CYP2C18: variants seen among roughly 807,000 people sequenced by gnomAD.
CYP2C18 encodes cytochrome P450 2C18.
In CYP2C18, 38 loss-of-function variants were observed where a neutral mutation model predicts 41.3. That is an observed-to-expected ratio of 0.92 (90% CI 0.71 to 1.21). The LOEUF (loss-of-function observed/expected upper bound fraction) is 1.21. Among genes scored for constraint, CYP2C18 ranks in the 50% most tolerant of loss-of-function variants. The pLI is 0.00. For missense variants in CYP2C18, 635 were observed against 591.4 expected (o/e 1.07, Z -0.77); for synonymous variants, 236 against 210.0 (o/e 1.12, Z -1.07).
At chr10:94,715,586 G>A (rs1461227228) in intron 5 of CYP2C18, among the ~76,000 whole-genome samples, 1 of 152,136 alleles carries the variant, frequency 6.6e-6, no homozygotes, top group East Asian at 1.9e-4. Context: ...CAGTTTGTCA[G>A]TATTTTATTG....
chr10:94,705,814 A>G (rs1847332729), intron 4 of CYP2C18, among the ~76,000 whole-genome samples: 2 of 152,162 alleles, frequency 1.3e-5, no homozygotes, highest in South Asian at 2.1e-4. Context: ...TTTATTTTAC[A>G]GATGAGAAAA....
chr10:94,706,369 C>T (rs1847342869), intron 4 of CYP2C18, among the ~76,000 whole-genome samples: 1 of 152,096 alleles, frequency 6.6e-6, no homozygotes, highest in Non-Finnish European at 1.5e-5. Flanking sequence ...AGGCTTCCTG[C>T]TAGGAGTAGA....
intron 5 of CYP2C18, among the ~76,000 whole-genome samples, chr10:94,717,805 G>T (rs1589803298): frequency 6.6e-6 from 1 of 152,132 alleles, no homozygotes; most frequent in East Asian, 1.9e-4. Context: ...TATTCTGTTG[G>T]TTGATGTGTC....
intron 5 of CYP2C18, among the ~76,000 whole-genome samples, chr10:94,718,727 C>G (rs958973979): frequency 1.3e-5 from 2 of 152,086 alleles, no homozygotes; most frequent in African/African-American, 4.8e-5. Context: ...AGGATTAAAC[C>G]TCTGGAAGTG....
At chr10:94,715,219 G>A (rs755776831) in intron 5 of CYP2C18, among the ~76,000 whole-genome samples, 27 of 152,144 alleles carry the variant, frequency 1.8e-4, no homozygotes, top group Non-Finnish European at 3.8e-4. Flanking sequence ...ACAGTATGTT[G>A]AATAGAAGTG....
At position 94,720,396 on chromosome 10, in the gene CYP2C18, GA is replaced by G. The variant is rs772763397; in HGVS notation, c.824del (p.Lys275SerfsTer13). On this transcript the variant is annotated frameshift_variant and splice_region_variant, in exon 6 of 9. Transcript: ENST00000285979. LOFTEE classifies it high-confidence loss of function. ...ATTAAATTATGAAATAATTTTTTAGGAAAAGCACAATCAACAGTCTGAATTT... is the reference window on the plus strand; with the variant it reads ...ATTAAATTATGAAATAATTTTTTAGGAAAGCACAATCAACAGTCTGAATTT... The part of the protein sequence containing the change: ...IDCFLIKMEQ[E>X]KHNQQSEFTV... The G allele has an allele frequency of 1.1e-3, 1,780 of 1,595,124 alleles. 4 individuals carry two copies. The highest frequency in any genetic ancestry group is 1.1e-3 in the Non-Finnish European group (1,310 of 1,173,988).
At chr10:94,730,186 T>G (rs1336293633) in intron 7 of CYP2C18, among the ~76,000 whole-genome samples, 1 of 152,176 alleles carries the variant, frequency 6.6e-6, no homozygotes, top group Non-Finnish European at 1.5e-5. Context: ...ATCAGCACAG[T>G]TAACTTGGGG....
chr10:94,721,488 T>C (rs1346812743), intron 6 of CYP2C18, among the ~76,000 whole-genome samples: 1 of 152,148 alleles, frequency 6.6e-6, no homozygotes, highest in Non-Finnish European at 1.5e-5. Context: ...GACTTAGGGG[T>C]ACAAGTGCAA....
At chr10:94,706,151 T>G (rs748815061) in intron 4 of CYP2C18, among the ~76,000 whole-genome samples, 10 of 152,180 alleles carry the variant, frequency 6.6e-5, no homozygotes, top group Non-Finnish European at 1.3e-4. Context: ...GATTTTGGGG[T>G]GTATGAACCA....
At chr10:94,693,012 G>A (rs912073064) in intron 3 of CYP2C18, among the ~76,000 whole-genome samples, 6 of 151,978 alleles carry the variant, frequency 3.9e-5, no homozygotes, top group African/African-American at 1.4e-4. Context: ...AGGGCCTGTT[G>A]TGGGGTGGGG....
At chr10:94,733,111 A>G (rs769571332) in intron 7 of CYP2C18, among the ~76,000 whole-genome samples, 186 bp from the exon 8 acceptor site, 35 of 152,104 alleles carry the variant, frequency 2.3e-4, no homozygotes, top group Non-Finnish European at 4.7e-4. Context: ...GGACTTCAGC[A>G]AAGTCACTGC....
intron 5 of CYP2C18, 32 bp from the exon 6 acceptor site, chr10:94,720,364 C>T (rs781751118): frequency 3.9e-6 from 6 of 1,547,304 alleles, no homozygotes; most frequent in African/African-American, 2.8e-5. Context: ...TGGCAAACTA[C>T]CAAATAATTA....
Position 94,724,737 on chromosome 10 carries a change from A to T in CYP2C18, c.1149+204A>T, listed in dbSNP as rs150527822. Among the ~76,000 whole-genome samples the T allele has an allele frequency of 3.3e-5, 5 of 151,578 alleles. 1 individual carries two copies. In the South Asian group the frequency reaches 1.0e-3, roughly 32 times the overall value. ...AGTATCTAGCAGTGTATGTCTTCCAAATTTGTTCTGCTTCTTTAGTATTTT... is the reference window on the plus strand; with the variant it reads ...AGTATCTAGCAGTGTATGTCTTCCATATTTGTTCTGCTTCTTTAGTATTTT... On this transcript the variant is annotated intron_variant, in intron 7 of 8. Transcript: ENST00000285979.
intron 7 of CYP2C18, among the ~76,000 whole-genome samples, chr10:94,727,404 C>T (rs558966952): frequency 6.6e-6 from 1 of 152,096 alleles, no homozygotes; most frequent in Non-Finnish European, 1.5e-5. Flanking sequence ...CATTTGCACC[C>T]AGGAGCTGGA....
chr10:94,703,997 C>T (rs1249860912), intron 4 of CYP2C18, among the ~76,000 whole-genome samples: 3 of 152,158 alleles, frequency 2.0e-5, no homozygotes, highest in South Asian at 2.1e-4. Context: ...TTCCCCAACC[C>T]GTTGTGCTTC....
chr10:94,706,184 G>C (rs1017232089), intron 4 of CYP2C18, among the ~76,000 whole-genome samples: 10 of 152,020 alleles, frequency 6.6e-5, no homozygotes, highest in African/African-American at 2.4e-4. Context: ...AGTTTTGGCT[G>C]TGCTGAGCTA....
chr10:94,709,317 G>A (rs1306476439), intron 5 of CYP2C18, among the ~76,000 whole-genome samples: 1 of 152,124 alleles, frequency 6.6e-6, no homozygotes, highest in Non-Finnish European at 1.5e-5. Context: ...ATCCCAGTGG[G>A]GTTGAGGTGG....
At chr10:94,718,374 A>G (rs1009407134) in intron 5 of CYP2C18, among the ~76,000 whole-genome samples, 1 of 152,142 alleles carries the variant, frequency 6.6e-6, no homozygotes, top group African/African-American at 2.4e-5. Flanking sequence ...TGTATGTAAG[A>G]TCATGCCATC....
intron 7 of CYP2C18, 79 bp downstream of exon 7, chr10:94,724,612 A>G: frequency 7.7e-7 from 1 of 1,301,862 alleles, no homozygotes; most frequent in South Asian, 1.3e-5. Context: ...TCCTCTAACA[A>G]CACATGATGA....
Sources: gnomAD v4.1 joint callset for allele counts (sites outside exome capture counted in the v4.1 genomes callset) on GRCh38, gnomAD v4.1.1 for gene constraint, MANE v1.5 for transcripts, NCBI Gene and HGNC (gene_info 2026-07-23, HGNC 2026-07-21) for gene names.